EVI5L: variants seen among roughly 807,000 people sequenced by gnomAD.
The protein encoded by EVI5L is ecotropic viral integration site 5 like.
In EVI5L, 30 loss-of-function variants were observed where a neutral mutation model predicts 106.1. The ratio of observed to expected loss-of-function variants is 0.28; its 90% CI spans 0.21 to 0.38. The LOEUF is 0.38. Ranked by LOEUF, EVI5L falls within the 10% of genes least tolerant of loss-of-function variation. EVI5L has a pLI of 1.00. For missense variants in EVI5L, 809 were observed against 1,098.0 expected (o/e 0.74, Z 3.72); for synonymous variants, 489 against 483.3 (o/e 1.01, Z -0.15).
At chr19:7,843,598 AGT>A (rs538766066) in intron 1 of EVI5L, among the ~76,000 whole-genome samples, 60 of 118,314 alleles carry the variant, frequency 5.1e-4, no homozygotes, top group Admixed American at 4.0e-3. Flanking sequence ...GTGTGTGTCA[AGT>A]GTGTGTGTAT....
At chr19:7,851,311 G>C in intron 6 of EVI5L, 123 bp from the exon 7 acceptor site, 2 of 1,208,640 alleles carry the variant, frequency 1.7e-6, no homozygotes, top group Non-Finnish European at 2.3e-6. Flanking sequence ...ACCAGGAAGG[G>C]AGCCTCAGGC....
chr19:7,845,042 G>A lies in EVI5L; in HGVS notation c.-47-1454G>A, dbSNP rs1321384889. 1.3e-5 allele frequency among the ~76,000 whole-genome samples: 2 copies of A among 152,044 alleles called. No homozygotes were observed. The highest frequency in any genetic ancestry group is 2.9e-5 in the Non-Finnish European group (2 of 68,012). On this transcript the variant is annotated intron_variant, in intron 1 of 19. Coordinates refer to ENST00000538904, the MANE Select transcript of EVI5L (RefSeq NM_001159944.3). The surrounding 1 kb of genome is among the most constrained non-coding windows in gnomAD (Gnocchi z 4.0). ...GTATAGAGTGGTCTGCTATGGTCCCGCCAATGTCCCCCTGCTGCCTGGGGA... is the reference window on the plus strand; with the variant it reads ...GTATAGAGTGGTCTGCTATGGTCCCACCAATGTCCCCCTGCTGCCTGGGGA...
intron 1 of EVI5L, among the ~76,000 whole-genome samples, chr19:7,831,757 G>A (rs764329754): frequency 5.3e-5 from 8 of 152,238 alleles, no homozygotes; most frequent in Non-Finnish European, 7.3e-5. Context: ...TCTGCCCCCA[G>A]CCTCCTGACC....
rs1979247981 is a variant in EVI5L, at chr19:7,851,467, T to G, written c.787T>G (p.Ser263Ala). The G allele has an allele frequency of 6.2e-7, 1 of 1,612,990 alleles. No homozygotes were observed. Residue 263 changes from serine to alanine, a missense_variant, in exon 7 of 20, where the codon TCC (serine) becomes GCC (alanine). Ser to Ala is a moderately conservative substitution (Grantham distance 99). Transcript: ENST00000538904. ...CCCAGACCTCAACACCCACTTCCGT[T>G]CCCAAAGCTTCCACACATCCATGTA... ...QLPDLNTHFRSQSFHTSMYAS... is the reference protein window; with the variant it reads ...QLPDLNTHFRAQSFHTSMYAS...
chr19:7,831,076 C>CCAG (rs1332003159), intron 1 of EVI5L, among the ~76,000 whole-genome samples: 1 of 151,474 alleles, frequency 6.6e-6, no homozygotes, highest in African/African-American at 2.4e-5. Context: ...CGGCGTCCAC[C>CCAG]CAGCACACTG....
Position 7,835,130 on chromosome 19 carries a change from C to T in EVI5L, c.-48+4749C>T, listed in dbSNP as rs1046461963. On this transcript the variant is annotated intron_variant, in intron 1 of 19. Coordinates refer to ENST00000538904, the MANE Select transcript of EVI5L (RefSeq NM_001159944.3). This position sits in a 1 kb window ranked among gnomAD's most constrained non-coding sequence, Gnocchi z 4.1. ...GCAGCCTGGGTGACAAAACAAGACC[C>T]TGTCTCTAAAAATAAAATAAAAATA... Among the ~76,000 whole-genome samples the T allele has an allele frequency of 6.6e-6, 1 of 151,724 alleles. No homozygotes were observed. Among genetic ancestry groups the T allele is most frequent in the Admixed American group, 6.6e-5 (1 of 15,190 alleles).
In EVI5L at chr19:7,863,266, G is replaced by A. The variant is rs1490171945; in HGVS notation, c.2125G>A (p.Glu709Lys). 2 of 1,557,764 alleles carry A rather than the reference G, an allele frequency of 1.3e-6. No individual in the cohort carries two copies. Among genetic ancestry groups the A allele is most frequent in the Non-Finnish European group, 1.7e-6 (2 of 1,150,886 alleles). ...CCGCGAGCTCAAGGACCAGATCGAG[G>A]AGCTGAAGGCCGAGGTGAGCCGGCG... Reference protein sequence around the residue: ...YIRELKDQIEELKAEVRLLKG... With the variant: ...YIRELKDQIEKLKAEVRLLKG... Residue 709 changes from glutamate (E) to lysine (K), a missense_variant, in exon 19 of 20, where the codon GAG becomes AAG. Coordinates refer to ENST00000538904, the MANE Select transcript of EVI5L (RefSeq NM_001159944.3). This position sits in a 1 kb window ranked among gnomAD's most constrained non-coding sequence, Gnocchi z 7.7.
rs781149989 is a variant in EVI5L, at chr19:7,857,083, G to A, written c.1201-9G>A. On this transcript the variant is annotated splice_polypyrimidine_tract_variant and intron_variant, in intron 11 of 19. Coordinates refer to ENST00000538904, the MANE Select transcript of EVI5L (RefSeq NM_001159944.3). The surrounding 1 kb of genome is among the most constrained non-coding windows in gnomAD (Gnocchi z 4.5). ...CCCCCTGTCGCTGGGAACCCCCTTCGCCGGGTAGGAGAGCGCTGCTCTGGC... is the reference window on the plus strand; with the variant it reads ...CCCCCTGTCGCTGGGAACCCCCTTCACCGGGTAGGAGAGCGCTGCTCTGGC... The A allele has an allele frequency of 2.1e-5, 32 of 1,551,804 alleles. No homozygotes were observed. In the South Asian group the frequency reaches 2.5e-4, roughly 12 times the overall value.
In EVI5L at chr19:7,857,478, C is replaced by A; in HGVS notation, c.1233+354C>A. The stretch of plus-strand genomic sequence containing the variant: ...GTGTGTGCAGTGCTGCGGTCACACA[C>A]ACACACAACACATGCACACACACAC... On this transcript the variant is annotated intron_variant, in intron 12 of 19. Coordinates refer to ENST00000538904, the MANE Select transcript of EVI5L (RefSeq NM_001159944.3). The surrounding 1 kb of genome is among the most constrained non-coding windows in gnomAD (Gnocchi z 4.5). The A allele has an allele frequency of 2.2e-6, 1 of 461,160 alleles. No homozygotes were observed. Among genetic ancestry groups the A allele is most frequent in the Non-Finnish European group, 4.0e-6 (1 of 249,268 alleles). 28.6% of individuals were successfully genotyped at this position (461,160 alleles called of 1,614,324 possible). A position where few individuals can be genotyped will look rare whatever the true frequency, so the allele number is the denominator to read the frequency against.
chr19:7,851,022 G>C (rs913161524), intron 6 of EVI5L, among the ~76,000 whole-genome samples: 11 of 60,334 alleles, frequency 1.8e-4, no homozygotes, highest in Middle Eastern at 6.7e-3. Context: ...GTAACAAGGT[G>C]GGGGGGGGGC....
intron 13 of EVI5L, among the ~76,000 whole-genome samples, chr19:7,859,461 A>T (rs964568410): frequency 2.0e-5 from 3 of 152,218 alleles, no homozygotes; most frequent in Non-Finnish European, 2.9e-5. Flanking sequence ...AGGCCCAGAG[A>T]CTGTGGCTCA....
chr19:7,834,503 G>A (rs1294552419), intron 1 of EVI5L, among the ~76,000 whole-genome samples: 1 of 152,146 alleles, frequency 6.6e-6, no homozygotes, highest in Non-Finnish European at 1.5e-5. Flanking sequence ...TTAGCCAAAG[G>A]TGTGTGCTGC....
chr19:7,859,728 A>G (rs550585615), intron 13 of EVI5L, among the ~76,000 whole-genome samples: 2 of 152,314 alleles, frequency 1.3e-5, no homozygotes, highest in African/African-American at 2.4e-5. Context: ...CTGAGCTCCA[A>G]CCTTGGGGGG....
At position 7,860,929 on chromosome 19, in the gene EVI5L, T is replaced by C. The variant is rs148927126; in HGVS notation, c.1503+240T>C. 3.7e-4 allele frequency among the ~76,000 whole-genome samples: 56 copies of C among 151,948 alleles called. 1 individual carries two copies. Among genetic ancestry groups the C allele is most frequent in the Middle Eastern group, 6.8e-3 (2 of 294 alleles). On this transcript the variant is annotated intron_variant, in intron 14 of 19. Coordinates refer to ENST00000538904, the MANE Select transcript of EVI5L (RefSeq NM_001159944.3). ...CGGATACCTGCATCCCACCTGTGTG[T>C]GTTTCCCCCAGTACTGGGTTCCAGG...
chr19:7,852,210 G>T (rs1451154170), intron 8 of EVI5L, among the ~76,000 whole-genome samples: 1 of 152,210 alleles, frequency 6.6e-6, no homozygotes, highest in East Asian at 1.9e-4. Context: ...CTGCCTGGAG[G>T]CCCTGCTGCT....
At chr19:7,853,354 G>T in intron 10 of EVI5L, 21 bp downstream of exon 10, 3 of 1,601,748 alleles carry the variant, frequency 1.9e-6, no homozygotes, top group Non-Finnish European at 1.7e-6. Context: ...GGGCCCAGGG[G>T]CGGGGACAGG....
intron 2 of EVI5L, 40 bp downstream of exon 2, chr19:7,846,719 G>A (rs1171938819): frequency 9.4e-6 from 15 of 1,599,092 alleles, no homozygotes; most frequent in Middle Eastern, 1.7e-4. Context: ...ATCTTGGGGT[G>A]CAGTCTGGGC....
Position 7,863,698 on chromosome 19 carries a change from A to G in EVI5L, c.2414A>G (p.Asn805Ser). 6.7e-7 allele frequency: 1 copy of G among 1,486,308 alleles called. No homozygotes were observed. The highest frequency in any genetic ancestry group is 1.3e-5 in the South Asian group (1 of 77,680). 92.1% of individuals were successfully genotyped at this position (1,486,308 alleles called of 1,614,324 possible). A position where few individuals can be genotyped will look rare whatever the true frequency, so the allele number is the denominator to read the frequency against. The change falls in exon 20 of 20, where the codon AAC (asparagine) becomes AGC (serine). Residue 805 changes from asparagine (N) to serine (S), a missense_variant. Coordinates refer to ENST00000538904, the MANE Select transcript of EVI5L (RefSeq NM_001159944.3). The surrounding 1 kb of genome is among the most constrained non-coding windows in gnomAD (Gnocchi z 7.7). ...LAAPYSQGLD[N>S] Reference sequence around the variant, plus strand: ...GCGCCCTACAGCCAGGGTCTGGACAACTGAGGCCATGCCCAGCGCGCCCGG... The same window carrying G: ...GCGCCCTACAGCCAGGGTCTGGACAGCTGAGGCCATGCCCAGCGCGCCCGG...
chr19:7,843,463 T>A (rs1199439587), intron 1 of EVI5L, among the ~76,000 whole-genome samples: 18 of 142,824 alleles, frequency 1.3e-4, no homozygotes, highest in African/African-American at 4.5e-4. Context: ...TGAGTGTGTG[T>A]GAGAATAGGC....
Sources: gnomAD v4.1 joint callset for allele counts (sites outside exome capture counted in the v4.1 genomes callset) on GRCh38, gnomAD v4.1.1 for gene constraint, Gnocchi (gnomAD v3.1) non-coding constraint, MANE v1.5 for transcripts, NCBI Gene and HGNC (gene_info 2026-07-23, HGNC 2026-07-21) for gene names.